Variants in EXD3 observed in about 807,000 individuals in gnomAD.
EXD3 encodes the protein exonuclease 3'-5' domain containing 3.
Under a neutral mutation model 98.0 loss-of-function variants are expected in EXD3, and 92 were observed. That is an observed-to-expected ratio of 0.94 (90% CI 0.79 to 1.12). EXD3 has a LOEUF of 1.12. Ranked by LOEUF, EXD3 falls within the 50% of genes most tolerant of loss-of-function variation. EXD3 has a pLI of 0.00. For missense variants in EXD3, 1,222 were observed against 1,191.6 expected (o/e 1.03, Z -0.38); for synonymous variants, 569 against 526.0 (o/e 1.08, Z -1.12).
chr9:137,368,107 G>A lies in EXD3; in HGVS notation c.463-118C>T, dbSNP rs565859039. On this transcript the variant is annotated intron_variant, in intron 5 of 21. Coordinates refer to ENST00000340951, the MANE Select transcript of EXD3 (RefSeq NM_017820.5). Reference sequence around the variant, plus strand: ...CTGGTCACTGAGGCCGGAGTGCAGGGCCTTCCCGTGTTCAGCCACGTGGCC... The same window carrying A: ...CTGGTCACTGAGGCCGGAGTGCAGGACCTTCCCGTGTTCAGCCACGTGGCC... The A allele has an allele frequency of 4.4e-4, 360 of 811,028 alleles. 3 individuals carry two copies. The East Asian group carries it at 9.4e-3, about 21-fold the overall frequency. The allele number at this position is 811,028 out of a possible 1,614,324, so 50.2% of individuals were successfully genotyped here.
At chr9:137,351,276 T>C in intron 13 of EXD3, 42 bp downstream of exon 13, 1 of 1,580,620 alleles carries the variant, frequency 6.3e-7, no homozygotes, top group African/African-American at 1.3e-5. Context: ...TGCGGGCTGC[T>C]TTCTTTCTGG....
chr9:137,345,168 C>A (rs561637497), intron 17 of EXD3, among the ~76,000 whole-genome samples: 1 of 152,406 alleles, frequency 6.6e-6, no homozygotes, highest in African/African-American at 2.4e-5. Flanking sequence ...CTTTGCCTCC[C>A]TCCACTTTGT....
At chr9:137,388,827 G>A (rs550785655) in intron 2 of EXD3, among the ~76,000 whole-genome samples, 2 of 152,204 alleles carry the variant, frequency 1.3e-5, no homozygotes. Flanking sequence ...AGTGAGTGTA[G>A]AAGAGCCCGG....
chr9:137,359,803 A>G lies in EXD3; in HGVS notation c.657-3435T>C, dbSNP rs1263907318. Among the ~76,000 whole-genome samples, 4 of 85,860 alleles carry G rather than the reference A, an allele frequency of 4.7e-5. 2 individuals carry two copies. Among genetic ancestry groups the G allele is most frequent in the Non-Finnish European group, 1.1e-4 (4 of 35,010 alleles). 56.3% of individuals were successfully genotyped at this position (85,860 alleles called of 152,430 possible). A position where few individuals can be genotyped will look rare whatever the true frequency, so the allele number is the denominator to read the frequency against. On this transcript the variant is annotated intron_variant, in intron 7 of 21. Coordinates refer to ENST00000340951, the MANE Select transcript of EXD3 (RefSeq NM_017820.5). ...TTTGTGAACCGTGATCACTGCATCCACTGCTGCTCTGGGGACTAGGGCTGC... is the reference window on the plus strand; with the variant it reads ...TTTGTGAACCGTGATCACTGCATCCGCTGCTGCTCTGGGGACTAGGGCTGC...
At chr9:137,336,675 A>G (rs2119169065) in intron 17 of EXD3, among the ~76,000 whole-genome samples, 1 of 151,634 alleles carries the variant, frequency 6.6e-6, no homozygotes, top group South Asian at 2.1e-4. Context: ...AAAAAAAAAA[A>G]ATTCTAGGGC....
At chr9:137,317,230 G>A (rs539053044) in intron 19 of EXD3, among the ~76,000 whole-genome samples, 25 of 152,282 alleles carry the variant, frequency 1.6e-4, no homozygotes, top group African/African-American at 5.1e-4. Context: ...GGCCTCTCCT[G>A]TTGGATGGGC....
chr9:137,354,573 C>T (rs2119240349), intron 9 of EXD3, 127 bp downstream of exon 9: 1 of 1,543,388 alleles, frequency 6.5e-7, no homozygotes, highest in East Asian at 2.4e-5. Context: ...TCACCCAGCT[C>T]TGGGGCAAGA....
At chr9:137,382,105 C>CAGGGCGGCGGTGGAGGTG (rs1836328814) in intron 3 of EXD3, among the ~76,000 whole-genome samples, 11 of 54,172 alleles carry the variant, frequency 2.0e-4, no homozygotes, top group East Asian at 1.7e-3. Flanking sequence ...CGGTGGAGGT[C>CAGGGCGGCGGTGGAGGTG]AGGGCGGCGG....
At chr9:137,409,605 G>A (rs1837898220) in intron 1 of EXD3, among the ~76,000 whole-genome samples, 1 of 151,982 alleles carries the variant, frequency 6.6e-6, no homozygotes, top group East Asian at 1.9e-4. Flanking sequence ...TGTAGGGAGG[G>A]AGCTGTGTCT....
At chr9:137,354,899 G>A (rs775559431) in intron 8 of EXD3, 126 bp from the exon 9 acceptor site, 63 of 933,488 alleles carry the variant, frequency 6.7e-5, no homozygotes, top group Admixed American at 1.9e-4. Context: ...CCTCTGCCCC[G>A]GAGCCCACCC....
chr9:137,308,151 A>C (rs2119034562), intron 20 of EXD3, among the ~76,000 whole-genome samples: 1 of 152,214 alleles, frequency 6.6e-6, no homozygotes, highest in South Asian at 2.1e-4. Flanking sequence ...CAGGGCAGGC[A>C]GGGCCGGTAT....
At position 137,349,540 on chromosome 9, in the gene EXD3, A is replaced by G; in HGVS notation, c.1495-9T>C. The stretch of plus-strand genomic sequence containing the variant: ...ACGCTCGCCACCCGCATCTGCTAAG[A>G]CAGTGCCCTGCAGGGTAACGCGTCT... On this transcript the variant is annotated splice_polypyrimidine_tract_variant and intron_variant, in intron 14 of 21. Transcript: ENST00000340951. The surrounding 1 kb of genome is among the most constrained non-coding windows in gnomAD (Gnocchi z 7.4). 2 of 1,574,096 alleles carry G rather than the reference A, an allele frequency of 1.3e-6. No homozygotes were observed. The highest frequency in any genetic ancestry group is 1.7e-6 in the Non-Finnish European group (2 of 1,161,880).
Position 137,348,068 on chromosome 9 carries a change from C to T in EXD3, c.1998+3G>A, listed in dbSNP as rs1223555866. ...GACCCCAAGACCCTCCCCGCAAACT[C>T]ACCTCGGCCGCCCTGCGGTGGTCTT... On this transcript the variant is annotated splice_donor_region_variant and intron_variant, in intron 17 of 21. Transcript: ENST00000340951. The T allele has an allele frequency of 6.2e-7, 1 of 1,609,462 alleles. No individual in the cohort carries two copies. The highest frequency in any genetic ancestry group is 1.7e-5 in the Admixed American group (1 of 59,564).
intron 19 of EXD3, among the ~76,000 whole-genome samples, chr9:137,322,458 T>C (rs1263773778): frequency 7.9e-6 from 1 of 127,364 alleles, no homozygotes; most frequent in African/African-American, 3.1e-5. Flanking sequence ...CCACGAGGGA[T>C]GCTCTGCCGA....
rs1027527108 is a variant in EXD3 at position 137,385,950 on chromosome 9, G to C, written c.56-2573C>G. 1.3e-5 allele frequency among the ~76,000 whole-genome samples: 2 copies of C among 152,132 alleles called. No homozygotes were observed. The highest frequency in any genetic ancestry group is 4.8e-5 in the African/African-American group (2 of 41,430). On this transcript the variant is annotated intron_variant, in intron 2 of 21. Transcript: ENST00000340951. This position sits in a 1 kb window ranked among gnomAD's most constrained non-coding sequence, Gnocchi z 4.4. ...CCTTAATGCCACTGAGTGTACACAGGAAAGTGGTTAAAATGGTAAATTTCA... is the reference window on the plus strand; with the variant it reads ...CCTTAATGCCACTGAGTGTACACAGCAAAGTGGTTAAAATGGTAAATTTCA...
chr9:137,364,353 G>A (rs1835118996), intron 7 of EXD3, among the ~76,000 whole-genome samples: 1 of 152,088 alleles, frequency 6.6e-6, no homozygotes, highest in Non-Finnish European at 1.5e-5. Flanking sequence ...CAGGTGCGGT[G>A]GCTCATGCCT....
At position 137,383,346 on chromosome 9, in the gene EXD3, C is replaced by G; in HGVS notation, c.87G>C (p.Leu29=). The G allele has an allele frequency of 6.5e-7, 1 of 1,550,222 alleles. No individual in the cohort carries two copies. The highest frequency in any genetic ancestry group is 8.7e-7 in the Non-Finnish European group (1 of 1,146,704). ...GRDPLLLLQA[L]QTLWSTRERK... is the part of the protein sequence containing the mutation. ...GCTCCCGCGTGGACCACAGGGTCTGCAGGGCCTGCAGGAGCAGGAGGGGGT... is the reference window on the plus strand; with the variant it reads ...GCTCCCGCGTGGACCACAGGGTCTGGAGGGCCTGCAGGAGCAGGAGGGGGT... Residue 29 remains leucine (L), a synonymous_variant, in exon 3 of 22, where the codon CTG becomes CTC. Coordinates refer to ENST00000340951, the MANE Select transcript of EXD3 (RefSeq NM_017820.5).
chr9:137,387,413 G>A (rs973257067), intron 2 of EXD3, among the ~76,000 whole-genome samples: 4 of 152,206 alleles, frequency 2.6e-5, no homozygotes, highest in Non-Finnish European at 5.9e-5. Flanking sequence ...CCCATGGCAG[G>A]TGTGGCGGGA....
In EXD3 at chr9:137,348,203, G is replaced by C; in HGVS notation, c.1866C>G (p.Ala622=). Residue 622 remains alanine, a synonymous_variant, in exon 17 of 22, where the codon GCC becomes GCG. Coordinates refer to ENST00000340951, the MANE Select transcript of EXD3 (RefSeq NM_017820.5). ...PVAVAVSEGA[A]PQIPARAFRV... ...GGAAGGCCCTGGCCGGAATCTGAGG[G>C]GCAGCGCCCTCAGACACAGCCACAG... The C allele has an allele frequency of 6.2e-7, 1 of 1,611,922 alleles. No homozygotes were observed.
Sources: gnomAD v4.1 joint callset for allele counts (sites outside exome capture counted in the v4.1 genomes callset) on GRCh38, gnomAD v4.1.1 for gene constraint, Gnocchi (gnomAD v3.1) non-coding constraint, MANE v1.5 for transcripts, NCBI Gene and HGNC (gene_info 2026-07-23, HGNC 2026-07-21) for gene names.